Variants in DPP6 observed in about 807,000 individuals in gnomAD.
DPP6 encodes the protein dipeptidyl peptidase like 6, also known as A-type potassium channel modulatory protein DPP6.
DPP6 carries 69 observed loss-of-function variants against 122.6 expected under a neutral mutation model. The observed-to-expected ratio is 0.56, with a 90% confidence interval of 0.46 to 0.69. DPP6 has a LOEUF of 0.69. Among genes scored for constraint, DPP6 ranks in the 30% least tolerant of loss-of-function variants. The pLI, the probability that DPP6 is intolerant of heterozygous loss-of-function variation, is 0.00. For synonymous variants in DPP6, 418 were observed against 433.1 expected (o/e 0.97, Z 0.43); for missense variants, 928 against 1,116.9 (o/e 0.83, Z 2.41).
chr7:154,621,822 A>G (rs1439015505), intron 5 of DPP6, among the ~76,000 whole-genome samples: 1 of 152,074 alleles, frequency 6.6e-6, no homozygotes, highest in Non-Finnish European at 1.5e-5. Flanking sequence ...GTCAGGTGGC[A>G]CTTCAACCTG....
intron 1 of DPP6, among the ~76,000 whole-genome samples, chr7:154,375,076 T>G (rs892078802): frequency 1.3e-5 from 2 of 152,070 alleles, no homozygotes; most frequent in Admixed American, 6.6e-5. Flanking sequence ...TCTCAGGGAC[T>G]GGAAGGCTCT....
the DPP6 span, among the ~76,000 whole-genome samples, chr7:153,781,218 G>A: frequency 5.7e-3 from 862 of 152,242 alleles, 7 homozygotes; most frequent in African/African-American, 0.019. Context: ...TGTGCAGGCT[G>A]AGCTCTTCCA....
Position 154,592,070 on chromosome 7 carries a change from C to T in DPP6, c.627+25154C>T, listed in dbSNP as rs115241294. Among the ~76,000 whole-genome samples the T allele has an allele frequency of 4.6e-3, 694 of 152,284 alleles. 5 individuals are homozygous for T. The highest frequency in any genetic ancestry group is 0.015 in the African/African-American group (643 of 41,550). On this transcript the variant is annotated intron_variant, in intron 5 of 25. Transcript: ENST00000377770. ...GCAGGGGCCAGGCTCCCTTTGCTTT[C>T]GCAGGCACCCAGCTCCAGTGGCCCC...
At chr7:154,440,603 T>C (rs1415596467) in intron 1 of DPP6, among the ~76,000 whole-genome samples, 1 of 152,172 alleles carries the variant, frequency 6.6e-6, no homozygotes, top group Non-Finnish European at 1.5e-5. Context: ...ACCATGGGTA[T>C]AGTTATATCG....
chr7:153,894,843 T>C (rs1470123514), intron 1 of DPP6, among the ~76,000 whole-genome samples: 2 of 152,192 alleles, frequency 1.3e-5, no homozygotes, highest in Non-Finnish European at 2.9e-5. Context: ...AATATTGCCA[T>C]CAAAGCCTAA....
At chr7:154,467,056 C>T (rs1821848457) in intron 2 of DPP6, among the ~76,000 whole-genome samples, 1 of 152,140 alleles carries the variant, frequency 6.6e-6, no homozygotes, top group South Asian at 2.1e-4. Flanking sequence ...CAGTTATAGA[C>T]ATTCTTGTTC....
upstream of DPP6, among the ~76,000 whole-genome samples, chr7:153,886,395 G>C (rs1026807252): frequency 2.6e-5 from 4 of 152,108 alleles, no homozygotes; most frequent in Non-Finnish European, 4.4e-5. Context: ...TAGAGAAATG[G>C]GCGCTGGGAT....
At chr7:154,872,744 G>A in intron 19 of DPP6, 51 bp downstream of exon 19, 1 of 1,560,500 alleles carries the variant, frequency 6.4e-7, no homozygotes. Context: ...GGGGCTCCGT[G>A]ACACCCATGA....
chr7:154,417,495 C>T (rs1280668101), intron 1 of DPP6, among the ~76,000 whole-genome samples: 1 of 152,172 alleles, frequency 6.6e-6, no homozygotes, highest in Non-Finnish European at 1.5e-5. Context: ...TCCCTAGGCA[C>T]CTGAGGTGGG....
chr7:154,404,985 T>A (rs1815954135), intron 1 of DPP6, among the ~76,000 whole-genome samples: 1 of 152,192 alleles, frequency 6.6e-6, no homozygotes, highest in Non-Finnish European at 1.5e-5. Flanking sequence ...TAATAACAAA[T>A]GTGTTTTGTG....
chr7:154,104,123 C>T (rs917520789), intron 1 of DPP6, among the ~76,000 whole-genome samples: 8 of 152,252 alleles, frequency 5.3e-5, no homozygotes, highest in Non-Finnish European at 1.2e-4. Flanking sequence ...TTTGTCTCTT[C>T]TTTGCCACGT....
intron 1 of DPP6, among the ~76,000 whole-genome samples, chr7:154,131,502 C>T (rs1795283659): frequency 6.6e-6 from 1 of 152,270 alleles, no homozygotes; most frequent in South Asian, 2.1e-4. Flanking sequence ...ATTGGGAAGG[C>T]CCACGTGGAA....
At chr7:153,978,813 C>A (rs1181137398) in intron 1 of DPP6, among the ~76,000 whole-genome samples, 1 of 151,968 alleles carries the variant, frequency 6.6e-6, no homozygotes, top group African/African-American at 2.4e-5. Flanking sequence ...TAATCGTTTC[C>A]CCATTGCTTG....
chr7:154,562,592 A>G (rs536102081), intron 4 of DPP6, among the ~76,000 whole-genome samples: 12 of 152,316 alleles, frequency 7.9e-5, no homozygotes, highest in African/African-American at 2.4e-4. Context: ...GCAGTTCTCT[A>G]GAGTGCAATA....
At chr7:154,356,060 T>C (rs769603346) in intron 1 of DPP6, among the ~76,000 whole-genome samples, 1 of 152,210 alleles carries the variant, frequency 6.6e-6, no homozygotes, top group Non-Finnish European at 1.5e-5. Context: ...TTTTATGAGG[T>C]TCATTCCTAA....
chr7:154,382,550 C>T (rs7804017), intron 1 of DPP6, among the ~76,000 whole-genome samples: 21,544 of 152,220 alleles, frequency 0.14, 2,250 homozygotes, highest in African/African-American at 0.29. Context: ...GGGATGGTAA[C>T]AATAAAAATA....
rs554949808 is a variant in DPP6, at chr7:154,759,257, G to C, written c.884-10160G>C. Among the ~76,000 whole-genome samples, 204 of 152,312 alleles carry C rather than the reference G, an allele frequency of 1.3e-3. 1 individual carries two copies. The highest frequency in any genetic ancestry group is 3.4e-3 in the Middle Eastern group (1 of 294). ...CTGCTTCCCCAGTCTTCACATGTTT[G>C]CTTGTCACTTGATTATCCTCCCCGA... On this transcript the variant is annotated intron_variant, in intron 8 of 25. Coordinates refer to ENST00000377770, the MANE Select transcript of DPP6 (RefSeq NM_130797.4).
At chr7:154,061,905 C>T (rs1801999333) in intron 1 of DPP6, among the ~76,000 whole-genome samples, 3 of 123,546 alleles carry the variant, frequency 2.4e-5, no homozygotes, top group East Asian at 4.9e-4. Flanking sequence ...AATCCCTCTT[C>T]CCCCCCTGGC....
intron 6 of DPP6, among the ~76,000 whole-genome samples, chr7:154,644,587 C>A (rs1214737354): frequency 6.6e-6 from 1 of 152,150 alleles, no homozygotes; most frequent in Non-Finnish European, 1.5e-5. Context: ...CGGAGATAGG[C>A]TTTGGCTGTG....
Sources: allele counts gnomAD v4.1 joint callset (sites outside exome capture counted in the v4.1 genomes callset), GRCh38; gene constraint gnomAD v4.1.1; transcripts MANE v1.5; gene names NCBI Gene and HGNC (gene_info 2026-07-23, HGNC 2026-07-21).